BTRC: variants seen among roughly 807,000 people sequenced by gnomAD.
The protein encoded by BTRC is F-box/WD repeat-containing protein 1A.
Under a neutral mutation model 85.5 loss-of-function variants are expected in BTRC, and 42 were observed. The ratio of observed to expected loss-of-function variants is 0.49; its 90% CI spans 0.38 to 0.64. The LOEUF (loss-of-function observed/expected upper bound fraction) is 0.64. BTRC is among the 30% of genes least tolerant of loss of function. The pLI, the probability that BTRC is intolerant of heterozygous loss-of-function variation, is 0.00. For synonymous variants in BTRC, 255 were observed against 263.3 expected, an observed-to-expected ratio of 0.97 and a Z score of 0.30; for missense variants, 594 against 743.5, an observed-to-expected ratio of 0.80 and a Z score of 2.34.
At chr10:101,411,660 A>G (rs373837653) in intron 1 of BTRC, among the ~76,000 whole-genome samples, 10 of 150,816 alleles carry the variant, frequency 6.6e-5, no homozygotes, top group Admixed American at 5.9e-4. Flanking sequence ...CTACATCACT[A>G]TGTTCATGTT....
Position 101,444,473 on chromosome 10 carries a change from A to G in BTRC, c.156+14021A>G, listed in dbSNP as rs190692816. Among the ~76,000 whole-genome samples, 31 of 152,314 alleles carry G rather than the reference A, an allele frequency of 2.0e-4. 1 individual carries two copies. The highest frequency in any genetic ancestry group is 2.0e-3 in the Admixed American group (30 of 15,290). On this transcript the variant is annotated intron_variant, in intron 2 of 14. Transcript: ENST00000370187. ...GGACCAGCTCTTGATATAAAAATTCATAGAAACCTGTTTTTCACAGAGTGT... is the reference window on the plus strand; with the variant it reads ...GGACCAGCTCTTGATATAAAAATTCGTAGAAACCTGTTTTTCACAGAGTGT...
chr10:101,493,318 G>T (rs1417987743), intron 4 of BTRC, among the ~76,000 whole-genome samples: 1 of 152,200 alleles, frequency 6.6e-6, no homozygotes, highest in East Asian at 1.9e-4. Context: ...GGTATTTATT[G>T]AATGTTTATG....
At chr10:101,356,571 T>C (rs35343305) in intron 1 of BTRC, among the ~76,000 whole-genome samples, 55,079 of 152,048 alleles carry the variant, frequency 0.36, 11,076 homozygotes, top group Middle Eastern at 0.48. Context: ...GAATCAGTTT[T>C]CATAGGGAGA....
chr10:101,420,312 T>C (rs1028289392), intron 1 of BTRC, among the ~76,000 whole-genome samples: 1 of 152,142 alleles, frequency 6.6e-6, no homozygotes, highest in Non-Finnish European at 1.5e-5. Flanking sequence ...GTTGCTGACA[T>C]ATCTCTCGCT....
rs5787439 is a variant in BTRC, at chr10:101,532,797, T to TGCGCGC, written c.979-146_979-141dup. ...GTGTGTGTGTGTGTGTGTGCGCGTG[T>TGCGCGC]GCGCGCGCGCGCGCTTAGCTATACC... On this transcript the variant is annotated intron_variant, in intron 8 of 14. Transcript: ENST00000370187. Among the ~76,000 whole-genome samples the TGCGCGC allele has an allele frequency of 1.8e-3, 251 of 141,280 alleles. 8 individuals carry two copies. The South Asian group carries it at 0.039, about 22-fold the overall frequency. The allele number at this position is 141,280 out of a possible 152,430, so 92.7% of individuals were successfully genotyped here.
intron 4 of BTRC, among the ~76,000 whole-genome samples, chr10:101,492,246 T>G (rs377332137): frequency 4.6e-5 from 7 of 152,176 alleles, no homozygotes; most frequent in Non-Finnish European, 1.0e-4. Flanking sequence ...GTTTTGGGTT[T>G]GTTTGTTTGT....
intron 4 of BTRC, among the ~76,000 whole-genome samples, chr10:101,521,437 A>G (rs1018076844): frequency 6.6e-6 from 1 of 152,214 alleles, no homozygotes; most frequent in African/African-American, 2.4e-5. Context: ...ACTTTTGGAA[A>G]TGGATGCTTA....
chr10:101,428,714 AAATG>A (rs1426096307), intron 1 of BTRC, among the ~76,000 whole-genome samples: 5 of 152,228 alleles, frequency 3.3e-5, no homozygotes, highest in Admixed American at 2.6e-4. Flanking sequence ...CTTACCTATA[AAATG>A]AGGATAATGT....
intron 13 of BTRC, among the ~76,000 whole-genome samples, chr10:101,548,212 G>A (rs896034747): frequency 7.2e-5 from 11 of 152,066 alleles, no homozygotes; most frequent in African/African-American, 4.8e-5. Flanking sequence ...CACCTACCCC[G>A]TGGCCCAGCA....
chr10:101,435,664 T>C (rs1260049270), intron 2 of BTRC, among the ~76,000 whole-genome samples: 1 of 152,192 alleles, frequency 6.6e-6, no homozygotes, highest in African/African-American at 2.4e-5. Context: ...CAGTTTTGTA[T>C]AAGTCTTTTT....
intron 1 of BTRC, among the ~76,000 whole-genome samples, chr10:101,411,257 G>A (rs1191321513): frequency 3.3e-5 from 5 of 152,028 alleles, no homozygotes; most frequent in Non-Finnish European, 5.9e-5. Context: ...GCCTCCCAAA[G>A]TGCTGGGATT....
chr10:101,521,984 G>T, intron 5 of BTRC, 114 bp downstream of exon 5: 12 of 222,658 alleles, frequency 5.4e-5, no homozygotes, highest in Admixed American at 1.5e-4. Flanking sequence ...TACAAATTAA[G>T]TTCCTTAACT....
chr10:101,375,270 C>G (rs551153449), intron 1 of BTRC, among the ~76,000 whole-genome samples: 1 of 152,092 alleles, frequency 6.6e-6, no homozygotes, highest in African/African-American at 2.4e-5. Flanking sequence ...TTCTCTGCCC[C>G]CCTCTCTTCC....
intron 1 of BTRC, among the ~76,000 whole-genome samples, chr10:101,412,475 T>C (rs1943808024): frequency 6.6e-6 from 1 of 152,240 alleles, no homozygotes; most frequent in African/African-American, 2.4e-5. Flanking sequence ...ACATATTTTG[T>C]TCAGTTTCTT....
chr10:101,505,179 T>TA (rs1564812310), intron 4 of BTRC, among the ~76,000 whole-genome samples: 1 of 40,396 alleles, frequency 2.5e-5, no homozygotes, highest in Admixed American at 2.3e-4. Flanking sequence ...ATATATATAT[T>TA]TTTTAGTAGA....
intron 4 of BTRC, among the ~76,000 whole-genome samples, chr10:101,508,808 G>C (rs1321466690): frequency 6.6e-6 from 1 of 151,402 alleles, no homozygotes; most frequent in Non-Finnish European, 1.5e-5. Context: ...CAGCTACTGG[G>C]GAGGCTGAGG....
chr10:101,393,290 ATAAG>A (rs1312863616), intron 1 of BTRC, among the ~76,000 whole-genome samples: 6 of 152,172 alleles, frequency 3.9e-5, no homozygotes, highest in African/African-American at 1.4e-4. Context: ...ACCAGCAGAT[ATAAG>A]TAAGTGTTTC....
At chr10:101,501,086 C>T (rs1946388537) in intron 4 of BTRC, among the ~76,000 whole-genome samples, 1 of 151,916 alleles carries the variant, frequency 6.6e-6, no homozygotes, top group South Asian at 2.1e-4. Flanking sequence ...GTCCCAGCTA[C>T]TCAGGAGGCT....
intron 4 of BTRC, among the ~76,000 whole-genome samples, chr10:101,504,554 A>G (rs1444797841): frequency 6.6e-6 from 1 of 151,790 alleles, no homozygotes; most frequent in Non-Finnish European, 1.5e-5. Flanking sequence ...ACTGCCTAGT[A>G]TCCACTGTCC....
Sources: allele counts gnomAD v4.1 joint callset (sites outside exome capture counted in the v4.1 genomes callset), GRCh38; gene constraint gnomAD v4.1.1; transcripts MANE v1.5; gene names NCBI Gene and HGNC (gene_info 2026-07-23, HGNC 2026-07-21).